The following CTNNA3 variants were observed in gnomAD, a reference collection of about 807,000 sequenced individuals.
CTNNA3 encodes the protein catenin alpha 3.
In CTNNA3, 76 loss-of-function variants were observed where a neutral mutation model predicts 95.7. The observed-to-expected ratio is 0.79, with a 90% confidence interval of 0.66 to 0.96. CTNNA3 has a LOEUF of 0.96. CTNNA3 is among the 40% of genes least tolerant of loss of function. The pLI, the probability that CTNNA3 is intolerant of heterozygous loss-of-function variation, is 0.00. For synonymous variants in CTNNA3, 431 were observed against 374.4 expected (o/e 1.15, Z -1.74); for missense variants, 1,191 against 1,089.8 (o/e 1.09, Z -1.31).
chr10:67,160,739 C>T (rs750894452), intron 7 of CTNNA3, among the ~76,000 whole-genome samples: 3 of 152,010 alleles, frequency 2.0e-5, no homozygotes, highest in South Asian at 2.1e-4. Context: ...CTCGGCCTCA[C>T]GGCATCATTA....
intron 7 of CTNNA3, among the ~76,000 whole-genome samples, chr10:67,143,030 T>C (rs1860657365): frequency 6.6e-6 from 1 of 152,322 alleles, no homozygotes; most frequent in African/African-American, 2.4e-5. Context: ...TTGATGTTAA[T>C]GGTTGCTGAC....
intron 16 of CTNNA3, among the ~76,000 whole-genome samples, chr10:65,982,721 A>G (rs1400321679): frequency 6.6e-6 from 1 of 150,434 alleles, no homozygotes; most frequent in African/African-American, 2.4e-5. Flanking sequence ...GTATATATAT[A>G]TATTCATGTA....
chr10:66,069,298 A>G lies in CTNNA3; in HGVS notation c.2159+10T>C, dbSNP rs2080378831. On this transcript the variant is annotated intron_variant, in intron 15 of 17. Transcript: ENST00000433211. Reference sequence around the variant, plus strand: ...TTATGAATATTACACATCGTTTTCCACATAATTACCTAGTGAAGTCTGTCA... The same window carrying G: ...TTATGAATATTACACATCGTTTTCCGCATAATTACCTAGTGAAGTCTGTCA... 3.7e-6 allele frequency: 6 copies of G among 1,610,838 alleles called. No homozygotes were observed. In the East Asian group the frequency reaches 1.3e-4, roughly 36 times the overall value.
Position 66,115,586 on chromosome 10 carries a change from T to TAGATAGAGATAGAGATAG in CTNNA3, c.1885-12355_1885-12338dup, listed in dbSNP as rs71035111. ...GATAGATAGACAGATAGATGATAGATAGATAGAGATAGAGATAGAGATAGA... is the reference window on the plus strand; with the variant it reads ...GATAGATAGACAGATAGATGATAGATAGATAGAGATAGAGATAGAGATAGAGATAGAGATAGAGATAGA... On this transcript the variant is annotated intron_variant, in intron 13 of 17. Coordinates refer to ENST00000433211, the MANE Select transcript of CTNNA3 (RefSeq NM_013266.4). 1.4e-3 allele frequency among the ~76,000 whole-genome samples: 160 copies of TAGATAGAGATAGAGATAG among 118,122 alleles called. 1 individual carries two copies. The East Asian group carries it at 0.017, about 12-fold the overall frequency. 77.5% of individuals were successfully genotyped at this position (118,122 alleles called of 152,430 possible). A position where few individuals can be genotyped will look rare whatever the true frequency, so the allele number is the denominator to read the frequency against.
intron 10 of CTNNA3, among the ~76,000 whole-genome samples, chr10:66,551,256 T>G (rs1362254837): frequency 1.3e-5 from 2 of 152,124 alleles, no homozygotes; most frequent in African/African-American, 4.8e-5. Flanking sequence ...GCTTGACAGT[T>G]CTATTCTTTA....
chr10:67,078,237 C>T (rs1475187376), intron 7 of CTNNA3, among the ~76,000 whole-genome samples: 1 of 152,146 alleles, frequency 6.6e-6, no homozygotes, highest in African/African-American at 2.4e-5. Context: ...GAGTGATCTT[C>T]CCCCAATTCA....
At chr10:66,625,929 G>A (rs1325704411) in intron 9 of CTNNA3, among the ~76,000 whole-genome samples, 1 of 151,986 alleles carries the variant, frequency 6.6e-6, no homozygotes, top group East Asian at 1.9e-4. Flanking sequence ...AAAAGGATGA[G>A]TCACCAGTGG....
intron 5 of CTNNA3, among the ~76,000 whole-genome samples, chr10:67,447,277 A>T (rs1846789642): frequency 6.6e-6 from 1 of 152,246 alleles, no homozygotes; most frequent in Non-Finnish European, 1.5e-5. Context: ...ATCTTAAAAC[A>T]TGCGTGTAAT....
At chr10:67,057,853 C>T (rs936782566) in intron 7 of CTNNA3, among the ~76,000 whole-genome samples, 5 of 152,046 alleles carry the variant, frequency 3.3e-5, no homozygotes, top group Non-Finnish European at 7.4e-5. Flanking sequence ...AGATTGAAGC[C>T]AAAATATGAG....
chr10:67,618,112 G>T (rs755254049), intron 2 of CTNNA3, among the ~76,000 whole-genome samples: 3 of 152,046 alleles, frequency 2.0e-5, no homozygotes, highest in Non-Finnish European at 4.4e-5. Context: ...ATAATCCATA[G>T]TTTATAGGAC....
chr10:67,342,672 C>A (rs1842255213), intron 5 of CTNNA3, among the ~76,000 whole-genome samples: 1 of 152,136 alleles, frequency 6.6e-6, no homozygotes, highest in Admixed American at 6.5e-5. Context: ...CCAGTTTTCC[C>A]AGCAGCATTT....
At chr10:66,309,329 C>T (rs2091974055) in intron 12 of CTNNA3, among the ~76,000 whole-genome samples, 1 of 152,134 alleles carries the variant, frequency 6.6e-6, no homozygotes, top group Admixed American at 6.5e-5. Flanking sequence ...CACACACAGA[C>T]ATACACACAA....
rs74144448 is a variant in CTNNA3, at chr10:67,446,527, A to G, written c.579+75315T>C. ...TGTAAGGACAAATACAAAATTTTTAAAAGGCTTAATTTTCCCTGTTGAAAA... is the reference window on the plus strand; with the variant it reads ...TGTAAGGACAAATACAAAATTTTTAGAAGGCTTAATTTTCCCTGTTGAAAA... On this transcript the variant is annotated intron_variant, in intron 5 of 17. Coordinates refer to ENST00000433211, the MANE Select transcript of CTNNA3 (RefSeq NM_013266.4). Among the ~76,000 whole-genome samples the G allele has an allele frequency of 3.2e-3, 483 of 152,286 alleles. 1 individual carries two copies. The highest frequency in any genetic ancestry group is 0.011 in the African/African-American group (459 of 41,568).
intron 7 of CTNNA3, among the ~76,000 whole-genome samples, chr10:66,957,451 T>C (rs1848879930): frequency 1.0e-5 from 1 of 100,246 alleles, no homozygotes; most frequent in South Asian, 4.0e-4. Flanking sequence ...TGCATATATA[T>C]ATATGCATAT....
At chr10:65,959,947 A>G (rs919761967) in intron 17 of CTNNA3, among the ~76,000 whole-genome samples, 3 of 152,290 alleles carry the variant, frequency 2.0e-5, no homozygotes, top group Non-Finnish European at 2.9e-5. Flanking sequence ...AAAAATGTCT[A>G]TCATATGCTA....
intron 7 of CTNNA3, among the ~76,000 whole-genome samples, chr10:67,063,064 A>C (rs1234148292): frequency 6.6e-6 from 1 of 152,148 alleles, no homozygotes; most frequent in African/African-American, 2.4e-5. Context: ...TGAAATATTA[A>C]GTGTGATTTC....
intron 7 of CTNNA3, chr10:66,928,180 G>T (rs1847181632): frequency 6.2e-7 from 1 of 1,614,066 alleles, no homozygotes; most frequent in Non-Finnish European, 8.5e-7. Flanking sequence ...TAAAATCATC[G>T]CGGGCAGCGT....
chr10:67,695,657 C>T (rs1840950203), intron 1 of CTNNA3, among the ~76,000 whole-genome samples: 1 of 152,190 alleles, frequency 6.6e-6, no homozygotes, highest in East Asian at 1.9e-4. Flanking sequence ...TTCCCCACTC[C>T]CATGCCAAAG....
intron 7 of CTNNA3, among the ~76,000 whole-genome samples, chr10:67,164,454 G>T (rs1345148062): frequency 1.3e-5 from 2 of 151,900 alleles, no homozygotes; most frequent in Admixed American, 1.3e-4. Context: ...AACTCAGAAT[G>T]GATCATAAAT....
Sources: gnomAD v4.1 joint callset for allele counts (sites outside exome capture counted in the v4.1 genomes callset) on GRCh38, gnomAD v4.1.1 for gene constraint, MANE v1.5 for transcripts, NCBI Gene and HGNC (gene_info 2026-07-23, HGNC 2026-07-21) for gene names.